GAB1: variants seen among roughly 807,000 people sequenced by gnomAD.
The protein encoded by GAB1 is GRB2 associated binding protein 1.
Under a neutral mutation model 66.5 loss-of-function variants are expected in GAB1, and 19 were observed. That is an observed-to-expected ratio of 0.29 (90% CI 0.20 to 0.42). The LOEUF is 0.42. GAB1 is among the 10% of genes least tolerant of loss of function. GAB1 has a pLI of 1.00. For synonymous variants in GAB1, 294 were observed against 301.4 expected, an observed-to-expected ratio of 0.98 and a Z score of 0.25; for missense variants, 732 against 858.5, an observed-to-expected ratio of 0.85 and a Z score of 1.84.
chr4:143,419,224 A>T (rs1732883041), intron 2 of GAB1, among the ~76,000 whole-genome samples: 1 of 152,128 alleles, frequency 6.6e-6, no homozygotes, highest in Non-Finnish European at 1.5e-5. Context: ...ATATATATAC[A>T]GTGCATATAT....
At chr4:143,390,036 A>T (rs181301438) in intron 1 of GAB1, among the ~76,000 whole-genome samples, 1 of 152,210 alleles carries the variant, frequency 6.6e-6, no homozygotes, top group Non-Finnish European at 1.5e-5. Flanking sequence ...AGGCTCTTTC[A>T]TAATAAACAT....
intron 2 of GAB1, among the ~76,000 whole-genome samples, chr4:143,432,584 C>A (rs573872060): frequency 1.4e-5 from 2 of 147,900 alleles, no homozygotes; most frequent in African/African-American, 5.3e-5. Context: ...CCAGCTTTTT[C>A]TGTTCTATAA....
intron 1 of GAB1, among the ~76,000 whole-genome samples, chr4:143,387,348 C>T (rs980182117): frequency 1.3e-5 from 2 of 152,160 alleles, no homozygotes; most frequent in African/African-American, 4.8e-5. Context: ...TCAGGCTGGT[C>T]TCAAACTCCC....
intron 3 of GAB1, among the ~76,000 whole-genome samples, chr4:143,437,765 C>G (rs1245293341): frequency 6.6e-6 from 1 of 151,860 alleles, no homozygotes; most frequent in Non-Finnish European, 1.5e-5. Context: ...GGGGTGTGGG[C>G]AGATATAGGA....
chr4:143,336,934 C>A lies in GAB1; in HGVS notation c.-255C>A. On this transcript the variant is annotated 5_prime_UTR_variant, in exon 1 of 10. Coordinates refer to ENST00000262994, the MANE Select transcript of GAB1 (RefSeq NM_002039.4). ...GCTGGCGAGACGGCACGTCTGGAGG[C>A]GAGGCGGGCGCACTGAAAGGAGGCC... 2.1e-6 allele frequency: 1 copy of A among 473,862 alleles called. No individual in the cohort carries two copies. The highest frequency in any genetic ancestry group is 3.7e-5 in the East Asian group (1 of 26,850). 29.4% of individuals were successfully genotyped at this position (473,862 alleles called of 1,614,324 possible).
At chr4:143,389,232 C>A (rs1420350850) in intron 1 of GAB1, among the ~76,000 whole-genome samples, 1 of 152,152 alleles carries the variant, frequency 6.6e-6, no homozygotes, top group Non-Finnish European at 1.5e-5. Flanking sequence ...TCTTTTTAAC[C>A]AAGCATAGAA....
Position 143,440,214 on chromosome 4 carries a change from G to A in GAB1, c.1417G>A (p.Val473Met), listed in dbSNP as rs1306018140. ...FTEPIQEANYVPMTPGTFDFS... is the reference protein window; with the variant it reads ...FTEPIQEANYMPMTPGTFDFS... ...AGAACCAATTCAGGAAGCAAATTATGTGCCAATGACTCCAGGAACATTTGA... is the reference window on the plus strand; with the variant it reads ...AGAACCAATTCAGGAAGCAAATTATATGCCAATGACTCCAGGAACATTTGA... Residue 473 changes from valine to methionine, a missense_variant, in exon 6 of 10, where the codon GTG becomes ATG. This residue lies in a region of GAB1 where 204 missense variants were observed against 276.8 expected (regional missense o/e 0.74). Coordinates refer to ENST00000262994, the MANE Select transcript of GAB1 (RefSeq NM_002039.4). 1.2e-6 allele frequency: 2 copies of A among 1,614,018 alleles called. No homozygotes were observed. Among genetic ancestry groups the A allele is most frequent in the African/African-American group, 1.3e-5 (1 of 74,910 alleles).
chr4:143,430,065 G>A lies in GAB1; in HGVS notation c.368-3426G>A, dbSNP rs563193071. 5.3e-5 allele frequency among the ~76,000 whole-genome samples: 8 copies of A among 152,272 alleles called. No homozygotes were observed. The East Asian group carries it at 7.7e-4, about 15-fold the overall frequency. Reference sequence around the variant, plus strand: ...AGTTAACTCGTTTTGCTTGATGTTCGTGAACATTTCAGCCCTCCATGAATC... The same window carrying A: ...AGTTAACTCGTTTTGCTTGATGTTCATGAACATTTCAGCCCTCCATGAATC... On this transcript the variant is annotated intron_variant, in intron 2 of 9. Transcript: ENST00000262994.
chr4:143,421,272 A>C (rs995926940), intron 2 of GAB1, among the ~76,000 whole-genome samples: 7 of 152,134 alleles, frequency 4.6e-5, no homozygotes, highest in Non-Finnish European at 7.4e-5. Flanking sequence ...CATTGTGTGA[A>C]TATATCACAA....
intron 1 of GAB1, among the ~76,000 whole-genome samples, chr4:143,393,101 T>C (rs1233004101): frequency 6.6e-6 from 1 of 152,124 alleles, no homozygotes; most frequent in Admixed American, 6.5e-5. Context: ...CTGTCTGAAT[T>C]TGTCTAGATG....
At chr4:143,395,220 T>C (rs1731382798) in intron 1 of GAB1, 1 of 152,270 alleles carries the variant, frequency 6.6e-6, no homozygotes, top group African/African-American at 2.4e-5. Flanking sequence ...TGTTTGTTTT[T>C]GTCTTCCTCC....
At chr4:143,423,234 A>C (rs761705027) in intron 2 of GAB1, among the ~76,000 whole-genome samples, 5 of 152,210 alleles carry the variant, frequency 3.3e-5, no homozygotes, top group Non-Finnish European at 4.4e-5. Context: ...AAGATAGTGC[A>C]TTGTCTGAGC....
At chr4:143,443,005 A>G (rs2149763013) in intron 6 of GAB1, among the ~76,000 whole-genome samples, 1 of 150,216 alleles carries the variant, frequency 6.7e-6, no homozygotes, top group Admixed American at 6.6e-5. Flanking sequence ...TTTCTTTAGT[A>G]CTATTTTACT....
At chr4:143,454,189 G>A (rs540917832) in intron 6 of GAB1, among the ~76,000 whole-genome samples, 14 of 152,288 alleles carry the variant, frequency 9.2e-5, no homozygotes, top group South Asian at 2.1e-4. Flanking sequence ...TATTCTTATG[G>A]CATTTCCATA....
At chr4:143,352,280 GC>G (rs1729259274) in intron 1 of GAB1, among the ~76,000 whole-genome samples, 2 of 152,174 alleles carry the variant, frequency 1.3e-5, no homozygotes, top group Non-Finnish European at 2.9e-5. Flanking sequence ...AAGTCCTCTT[GC>G]AGGTCTGGCT....
chr4:143,450,529 G>T (rs1457410664), intron 6 of GAB1, among the ~76,000 whole-genome samples: 1 of 152,110 alleles, frequency 6.6e-6, no homozygotes, highest in African/African-American at 2.4e-5. Context: ...TGACTGCCTT[G>T]ACTGTATTTG....
At chr4:143,442,038 T>C (rs928709396) in intron 6 of GAB1, among the ~76,000 whole-genome samples, 11 of 152,196 alleles carry the variant, frequency 7.2e-5, no homozygotes, top group Middle Eastern at 3.4e-3. Context: ...ATGCTTCCTT[T>C]TGTTTCCTTT....
chr4:143,438,615 ACTT>A lies in GAB1; in HGVS notation c.1195+21_1195+23del, dbSNP rs1340736891. ...ATTGCGAAAAGGTCAGCTCTAGTTG[ACTT>A]CTTCTCTATTAGAGGTTAATGATAG... On this transcript the variant is annotated intron_variant, in intron 4 of 9. Coordinates refer to ENST00000262994, the MANE Select transcript of GAB1 (RefSeq NM_002039.4). 3.7e-6 allele frequency: 6 copies of A among 1,605,602 alleles called. No homozygotes were observed. Among genetic ancestry groups the A allele is most frequent in the South Asian group, 2.2e-5 (2 of 89,692 alleles).
intron 1 of GAB1, among the ~76,000 whole-genome samples, chr4:143,340,992 AAGTC>A (rs1420555671): frequency 6.6e-6 from 1 of 152,236 alleles, no homozygotes; most frequent in African/African-American, 2.4e-5. Flanking sequence ...AAAAAAATGA[AAGTC>A]AAGAGTAGTC....
Sources: allele counts gnomAD v4.1 joint callset (sites outside exome capture counted in the v4.1 genomes callset), GRCh38; gene constraint gnomAD v4.1.1; regional missense constraint gnomAD v4.1.1; transcripts MANE v1.5; gene names NCBI Gene and HGNC (gene_info 2026-07-23, HGNC 2026-07-21).